CFI: variants seen among roughly 807,000 people sequenced by gnomAD.
CFI encodes C3B/C4B inactivator.
CFI carries 66 observed loss-of-function variants against 78.8 expected under a neutral mutation model. The ratio of observed to expected loss-of-function variants is 0.84; its 90% CI spans 0.69 to 1.03. CFI has a LOEUF of 1.03. Among genes scored for constraint, CFI ranks in the 50% least tolerant of loss-of-function variants. The probability of loss-of-function intolerance (pLI) is 0.00; values close to 1 mark genes in which losing one functional copy is unlikely to be tolerated. For missense variants in CFI, 706 were observed against 704.5 expected, an observed-to-expected ratio of 1.00 and a Z score of -0.02; for synonymous variants, 250 against 232.6, an observed-to-expected ratio of 1.07 and a Z score of -0.68.
Position 109,768,334 on chromosome 4 carries a change from T to TAAAA in CFI, c.58-1514_58-1511dup, listed in dbSNP as rs756365540. On this transcript the variant is annotated intron_variant, in intron 1 of 12. Transcript: ENST00000394634. ...TGCCATCTTGACCATGAAGAAATCCTAAAAAAAAAAAAAAAAAAAGAAAAA... is the reference window on the plus strand; with the variant it reads ...TGCCATCTTGACCATGAAGAAATCCTAAAAAAAAAAAAAAAAAAAAAAAGAAAAA... 2.6e-3 allele frequency among the ~76,000 whole-genome samples: 162 copies of TAAAA among 63,160 alleles called. 2 individuals are homozygous for TAAAA. Among genetic ancestry groups the TAAAA allele is most frequent in the South Asian group, 4.2e-3 (7 of 1,684 alleles). The allele number at this position is 63,160 out of a possible 152,430, so 41.4% of individuals were successfully genotyped here.
intron 1 of CFI, 49 bp from the exon 2 acceptor site, chr4:109,766,873 T>C: frequency 1.9e-6 from 3 of 1,586,568 alleles, no homozygotes; most frequent in Non-Finnish European, 2.6e-6. Flanking sequence ...TAAAGACTCC[T>C]GTTTGAAGAT....
chr4:109,741,623 T>C (rs1195858190), intron 12 of CFI, among the ~76,000 whole-genome samples: 1 of 152,216 alleles, frequency 6.6e-6, no homozygotes, highest in Non-Finnish European at 1.5e-5. Flanking sequence ...ACCTCAGAGC[T>C]TGTCCTCTTG....
the CFI span, among the ~76,000 whole-genome samples, chr4:109,734,588 G>A: frequency 1.1e-4 from 16 of 152,280 alleles, no homozygotes; most frequent in East Asian, 2.9e-3. Flanking sequence ...CAGATCACAC[G>A]GTCAGGAGTT....
intron 1 of CFI, among the ~76,000 whole-genome samples, chr4:109,788,442 AGCATCTTCCGTAT>A (rs1214720990): frequency 5.9e-5 from 9 of 152,208 alleles, no homozygotes; most frequent in Non-Finnish European, 1.0e-4. Flanking sequence ...AGTGAAGTTG[AGCATCTTCCGTAT>A]GCTCAAATTT....
rs889240004 is a variant in CFI at position 109,746,429 on chromosome 4, C to T, written c.1222G>A (p.Val408Ile). 4 of 1,613,204 alleles carry T rather than the reference C, an allele frequency of 2.5e-6. No individual in the cohort carries two copies. In the African/African-American group the frequency reaches 5.3e-5, roughly 22 times the overall value. Residue 408 changes from valine to isoleucine, a missense_variant, in exon 11 of 13, where the codon GTA becomes ATA. Val to Ile is a conservative substitution (Grantham distance 29). Transcript: ENST00000394634. ...DWIHPDLKRI[V>I]IEYVDRIIFH... ...ATAATTCTATCCACGTATTCAATTA[C>T]TATACGTTTAAGGTCGGGGTGTATC...
In CFI at chr4:109,749,304, C is replaced by G; in HGVS notation, c.1062G>C (p.Gln354His). The G allele has an allele frequency of 6.2e-7, 1 of 1,614,022 alleles. No homozygotes were observed. The highest frequency in any genetic ancestry group is 8.5e-7 in the Non-Finnish European group (1 of 1,179,900). ...KRAQLGDLPW[Q>H]VAIKDASGIT... ...TTCCACTGGCATCCTTAATTGCCAC[C>G]TGCCATGGGAGGTCTCCCTGTAAAA... The change falls in exon 10 of 13, where the codon CAG becomes CAC. Residue 354 changes from glutamine to histidine, a missense_variant. Physicochemically the swap from Gln to His is conservative, Grantham distance 24. Transcript: ENST00000394634.
In CFI at chr4:109,740,931, G is replaced by C; in HGVS notation, c.1714C>G (p.His572Asp). The change falls in exon 13 of 13, where the codon CAT (histidine) becomes GAT (aspartate). Residue 572 changes from histidine to aspartate, a missense_variant. Physicochemically the swap from His to Asp is moderately conservative, Grantham distance 81. Transcript: ENST00000394634. ...TGAGAAATAAAAGGCCTTCCTACAT[G>C]GTAGCTAATCCAGTCAAAATAATTG... ...VANYFDWISYHVGRPFISQYN... is the reference protein window; with the variant it reads ...VANYFDWISYDVGRPFISQYN... 6.2e-7 allele frequency: 1 copy of C among 1,614,092 alleles called. No individual in the cohort carries two copies. Among genetic ancestry groups the C allele is most frequent in the Non-Finnish European group, 8.5e-7 (1 of 1,179,986 alleles).
intron 1 of CFI, among the ~76,000 whole-genome samples, chr4:109,781,369 G>A (rs62324932): frequency 0.23 from 35,221 of 151,974 alleles, 4,714 homozygotes; most frequent in Admixed American, 0.35. Flanking sequence ...GATCATTCAA[G>A]GCTACTATGA....
Position 109,761,589 on chromosome 4 carries a change from A to T in CFI, c.586T>A (p.Cys196Ser). ...ATAGTTCTTCTCTTAGTAAAAGTAC[A>T]TTCAGCCAAACTGGTCTCTAATCCT... ...CRGLETSLAE[C>S]TFTKRRTMGY... Residue 196 changes from cysteine (C) to serine (S), a missense_variant, in exon 4 of 13, where the codon TGT (cysteine) becomes AGT (serine). Coordinates refer to ENST00000394634, the MANE Select transcript of CFI (RefSeq NM_000204.5). 6.2e-7 allele frequency: 1 copy of T among 1,614,154 alleles called. No individual in the cohort carries two copies. Among genetic ancestry groups the T allele is most frequent in the Non-Finnish European group, 8.5e-7 (1 of 1,179,990 alleles).
At chr4:109,764,133 T>C (rs1338433314) in intron 3 of CFI, among the ~76,000 whole-genome samples, 2 of 150,960 alleles carry the variant, frequency 1.3e-5, no homozygotes, top group Non-Finnish European at 3.0e-5. Context: ...ATACTATAAC[T>C]GTATAGTTTA....
At chr4:109,779,400 A>C (rs1302545987) in intron 1 of CFI, among the ~76,000 whole-genome samples, 1 of 152,170 alleles carries the variant, frequency 6.6e-6, no homozygotes, top group Non-Finnish European at 1.5e-5. Flanking sequence ...CAAAGAGAAT[A>C]AAATACCTAG....
rs1486903411 is a variant in CFI at position 109,760,384 on chromosome 4, T to G, written c.773-4A>C. The G allele has an allele frequency of 1.4e-5, 22 of 1,610,362 alleles. No homozygotes were observed. In the Admixed American group the frequency reaches 3.7e-4, roughly 27 times the overall value. ...TGGAAGCCTTTGCCTTGGCATGCTG[T>G]GCAAACATAAGCAGGAGAGGTTTTT... On this transcript the variant is annotated splice_region_variant and splice_polypyrimidine_tract_variant and intron_variant, in intron 5 of 12. Coordinates refer to ENST00000394634, the MANE Select transcript of CFI (RefSeq NM_000204.5).
chr4:109,764,322 T>C lies in CFI; in HGVS notation c.482+215A>G, dbSNP rs950019505. 8.1e-5 allele frequency: 49 copies of C among 603,984 alleles called. No individual in the cohort carries two copies. In the Admixed American group the frequency reaches 1.3e-3, roughly 16 times the overall value. 37.4% of individuals were successfully genotyped at this position (603,984 alleles called of 1,614,324 possible). A position where few individuals can be genotyped will look rare whatever the true frequency, so the allele number is the denominator to read the frequency against. ...CACTAAAGGATTCACATCCAGATAC[T>C]TCAACAGACTTATTATCCATGCTTT... On this transcript the variant is annotated intron_variant, in intron 3 of 12. Transcript: ENST00000394634.
At position 109,750,864 on chromosome 4, in the gene CFI, C is replaced by T. The variant is rs546090834; in HGVS notation, c.941-1262G>A. 5.0e-4 allele frequency among the ~76,000 whole-genome samples: 76 copies of T among 152,288 alleles called. 1 individual carries two copies. The South Asian group carries it at 0.014, about 29-fold the overall frequency. ...ATCTGCCATGTTAGCTTCTGATTAA[C>T]CCCAATTCCGGGAAGGCCTCTGAGA... On this transcript the variant is annotated intron_variant, in intron 8 of 12. Transcript: ENST00000394634.
intron 1 of CFI, chr4:109,793,887 A>G (rs935148802): frequency 3.3e-5 from 5 of 152,188 alleles, no homozygotes; most frequent in African/African-American, 1.2e-4. Context: ...GCCTCTATTT[A>G]TCTGTGAATT....
chr4:109,782,007 C>A (rs931588990), intron 1 of CFI, among the ~76,000 whole-genome samples: 1 of 151,978 alleles, frequency 6.6e-6, no homozygotes, highest in African/African-American at 2.4e-5. Context: ...AAGGGGCATA[C>A]CTTAATGTAA....
chr4:109,778,808 G>A (rs558818557), intron 1 of CFI, among the ~76,000 whole-genome samples: 1 of 152,296 alleles, frequency 6.6e-6, no homozygotes, highest in Admixed American at 6.5e-5. Context: ...TCATCCCTGG[G>A]ATGCAAGGCT....
chr4:109,778,029 A>C (rs1473206549), intron 1 of CFI, among the ~76,000 whole-genome samples: 1 of 152,234 alleles, frequency 6.6e-6, no homozygotes, highest in Non-Finnish European at 1.5e-5. Flanking sequence ...AAGAGAAAGC[A>C]GGAAAGATCT....
intron 1 of CFI, among the ~76,000 whole-genome samples, chr4:109,789,598 G>C (rs1579306181): frequency 6.6e-6 from 1 of 151,996 alleles, no homozygotes; most frequent in South Asian, 2.1e-4. Context: ...TTAGGCAAAA[G>C]AACAACCTTT....
Sources: gnomAD v4.1 joint callset for allele counts (sites outside exome capture counted in the v4.1 genomes callset) on GRCh38, gnomAD v4.1.1 for gene constraint, MANE v1.5 for transcripts, NCBI Gene and HGNC (gene_info 2026-07-23, HGNC 2026-07-21) for gene names.